The following RNF216 variants were observed in gnomAD, a reference collection of about 807,000 sequenced individuals.
The protein encoded by RNF216 is E3 ubiquitin-protein ligase RNF216.
A neutral mutation model predicts 110.8 loss-of-function variants in RNF216; 72 were observed. The observed-to-expected ratio is 0.65, with a 90% CI of 0.54 to 0.79. The LOEUF is 0.79. Among genes scored for constraint, RNF216 ranks in the 30% least tolerant of loss-of-function variants. The pLI is 0.00. For missense variants in RNF216, 1,342 were observed against 1,141.2 expected (o/e 1.18, Z -2.54); for synonymous variants, 495 against 407.5 (o/e 1.21, Z -2.59).
intron 13 of RNF216, among the ~76,000 whole-genome samples, chr7:5,676,573 A>C (rs1230954267): frequency 6.6e-6 from 1 of 152,106 alleles, no homozygotes; most frequent in East Asian, 1.9e-4. Context: ...CTGTGTGACC[A>C]ACACAGCTCT....
At chr7:5,714,948 C>T (rs2128631678) in intron 11 of RNF216, 105 bp downstream of exon 11, 1 of 1,040,554 alleles carries the variant, frequency 9.6e-7, no homozygotes, top group Non-Finnish European at 1.4e-6. Context: ...ACCAGCAGAA[C>T]TCCACCTCAC....
At chr7:5,662,920 G>C (rs1312602093) in intron 13 of RNF216, among the ~76,000 whole-genome samples, 1 of 152,052 alleles carries the variant, frequency 6.6e-6, no homozygotes, top group Non-Finnish European at 1.5e-5. Flanking sequence ...ATGCAAGCAG[G>C]ACAGTAGACG....
At chr7:5,780,424 G>A (rs974651535) in intron 1 of RNF216, 1 of 152,144 alleles carries the variant, frequency 6.6e-6, no homozygotes, top group Non-Finnish European at 1.5e-5. Flanking sequence ...GAACATATCT[G>A]AAACGTCTTT....
At chr7:5,723,946 T>C (rs934375611) in intron 8 of RNF216, among the ~76,000 whole-genome samples, 1 of 152,234 alleles carries the variant, frequency 6.6e-6, no homozygotes, top group Non-Finnish European at 1.5e-5. Flanking sequence ...TTCTATCTTA[T>C]ACTTCCAGGG....
chr7:5,669,889 AAAAG>A (rs536004951), intron 13 of RNF216, among the ~76,000 whole-genome samples: 17 of 152,156 alleles, frequency 1.1e-4, no homozygotes, highest in South Asian at 1.0e-3. Flanking sequence ...ATCTCAAAAA[AAAAG>A]AAAGTAAGTG....
intron 1 of RNF216, among the ~76,000 whole-genome samples, chr7:5,772,366 A>C (rs1395726164): frequency 6.6e-6 from 1 of 152,210 alleles, no homozygotes; most frequent in East Asian, 1.9e-4. Flanking sequence ...CAACAGTTAC[A>C]AAAAAACTAG....
At chr7:5,769,774 C>G (rs1213841377) in intron 1 of RNF216, among the ~76,000 whole-genome samples, 1 of 149,756 alleles carries the variant, frequency 6.7e-6, no homozygotes, top group Non-Finnish European at 1.5e-5. Context: ...TGGTGACTCA[C>G]GCCTATAATC....
Position 5,624,968 on chromosome 7 carries a change from C to T in RNF216, c.2383-843G>A, listed in dbSNP as rs534034398. Reference sequence around the variant, plus strand: ...CCCGTGATGCCTGCTTCATGAGTGGCGCTTACCTTAACCCCCCTCCTCAGT... The same window carrying T: ...CCCGTGATGCCTGCTTCATGAGTGGTGCTTACCTTAACCCCCCTCCTCAGT... On this transcript the variant is annotated intron_variant, in intron 15 of 16. Coordinates refer to ENST00000389902, the MANE Select transcript of RNF216 (RefSeq NM_207111.4). This position sits in a 1 kb window ranked among gnomAD's most constrained non-coding sequence, Gnocchi z 4.4. Among the ~76,000 whole-genome samples the T allele has an allele frequency of 3.9e-5, 6 of 152,238 alleles. No homozygotes were observed. The highest frequency in any genetic ancestry group is 6.5e-5 in the Admixed American group (1 of 15,294).
intron 13 of RNF216, among the ~76,000 whole-genome samples, chr7:5,663,208 C>T (rs536842706): frequency 3.9e-5 from 6 of 152,160 alleles, no homozygotes; most frequent in South Asian, 2.1e-4. Flanking sequence ...AAATGCCAGG[C>T]GCTCCTTGCG....
intron 13 of RNF216, among the ~76,000 whole-genome samples, chr7:5,690,541 C>T (rs1210842347): frequency 2.0e-5 from 3 of 152,110 alleles, no homozygotes; most frequent in East Asian, 1.9e-4. Flanking sequence ...GGGGAGGAGG[C>T]GCCACCTTCA....
chr7:5,656,095 C>A (rs1788723348), intron 13 of RNF216, among the ~76,000 whole-genome samples: 1 of 152,078 alleles, frequency 6.6e-6, no homozygotes, highest in East Asian at 1.9e-4. Context: ...ATGGTCAAAC[C>A]CCATCTCTAC....
intron 13 of RNF216, among the ~76,000 whole-genome samples, chr7:5,686,660 T>C (rs1791005168): frequency 1.3e-5 from 2 of 152,216 alleles, no homozygotes; most frequent in Non-Finnish European, 2.9e-5. Flanking sequence ...TTTGGAAGAT[T>C]TGTCAAACAA....
chr7:5,696,271 A>G lies in RNF216; in HGVS notation c.2061+15490T>C, dbSNP rs537342373. 6.6e-6 allele frequency among the ~76,000 whole-genome samples: 1 copy of G among 152,364 alleles called. No individual in the cohort carries two copies. The highest frequency in any genetic ancestry group is 2.1e-4 in the South Asian group (1 of 4,828). On this transcript the variant is annotated intron_variant, in intron 13 of 16. Coordinates refer to ENST00000389902, the MANE Select transcript of RNF216 (RefSeq NM_207111.4). This position sits in a 1 kb window ranked among gnomAD's most constrained non-coding sequence, Gnocchi z 5.4. ...AGCAGCTGGGAAAACATGTTGCAAA[A>G]GGAGAATTAAGCAATTCTCTGTATG...
intron 15 of RNF216, among the ~76,000 whole-genome samples, chr7:5,625,485 G>A (rs1786651267): frequency 6.6e-6 from 1 of 152,204 alleles, no homozygotes; most frequent in African/African-American, 2.4e-5. Flanking sequence ...GCAACTGGAA[G>A]GAAGACAATC....
At chr7:5,728,569 G>A (rs1303571257) in intron 7 of RNF216, among the ~76,000 whole-genome samples, 8 of 149,940 alleles carry the variant, frequency 5.3e-5, no homozygotes, top group Admixed American at 2.0e-4. Context: ...GTGAGACTCC[G>A]TCTCAAAAAA....
At chr7:5,739,210 A>AT in intron 5 of RNF216, 66 bp downstream of exon 5, 2 of 1,431,530 alleles carry the variant, frequency 1.4e-6, no homozygotes, top group Non-Finnish European at 1.8e-6. Context: ...AAAATGGTAA[A>AT]TTTTTTATTA....
rs1795333159 is a variant in RNF216 at position 5,751,656 on chromosome 7, G to A, written c.201+1190C>T. Reference sequence around the variant, plus strand: ...TTCTCTTTTCTGTCTCCCTGTCCCAGCCTGACAAGAAAAGTAACTTTGAAA... The same window carrying A: ...TTCTCTTTTCTGTCTCCCTGTCCCAACCTGACAAGAAAAGTAACTTTGAAA... On this transcript the variant is annotated intron_variant, in intron 3 of 16. Coordinates refer to ENST00000389902, the MANE Select transcript of RNF216 (RefSeq NM_207111.4). 2.0e-5 allele frequency among the ~76,000 whole-genome samples: 3 copies of A among 151,910 alleles called. No homozygotes were observed. The East Asian group carries it at 5.8e-4, about 29-fold the overall frequency.
At chr7:5,645,328 C>T (rs1156344218) in intron 14 of RNF216, among the ~76,000 whole-genome samples, 1 of 152,144 alleles carries the variant, frequency 6.6e-6, no homozygotes, top group African/African-American at 2.4e-5. Flanking sequence ...TCTTTCTGTT[C>T]ATTTTGCTCT....
intron 14 of RNF216, among the ~76,000 whole-genome samples, chr7:5,643,467 G>A (rs1401376270): frequency 6.6e-6 from 1 of 151,774 alleles, no homozygotes; most frequent in East Asian, 1.9e-4. Flanking sequence ...TGCTGACCTT[G>A]CGCTCACACA....
Sources: allele counts gnomAD v4.1 joint callset (sites outside exome capture counted in the v4.1 genomes callset), GRCh38; gene constraint gnomAD v4.1.1; non-coding constraint Gnocchi (gnomAD v3.1); transcripts MANE v1.5; gene names NCBI Gene and HGNC (gene_info 2026-07-23, HGNC 2026-07-21).